AKAP6: variants seen among roughly 807,000 people sequenced by gnomAD.
The protein encoded by AKAP6 is A-kinase anchoring protein 6.
A neutral mutation model predicts 188.5 loss-of-function variants in AKAP6; 58 were observed. The ratio of observed to expected loss-of-function variants is 0.31; its 90% CI spans 0.25 to 0.38. The LOEUF (loss-of-function observed/expected upper bound fraction) is 0.38, where lower values mean the gene tolerates loss of function less well. Among genes scored for constraint, AKAP6 ranks in the 10% least tolerant of loss-of-function variants. AKAP6 has a pLI of 1.00. For synonymous variants in AKAP6, 989 were observed against 998.6 expected (o/e 0.99, Z 0.18); for missense variants, 2,710 against 2,740.0 (o/e 0.99, Z 0.24).
At chr14:32,502,351 A>T (rs1341658558) in intron 2 of AKAP6, among the ~76,000 whole-genome samples, 1 of 152,124 alleles carries the variant, frequency 6.6e-6, no homozygotes, top group South Asian at 2.1e-4. Context: ...ATTATAACAC[A>T]AGTGTCCATC....
At chr14:32,619,948 A>C (rs2139415089) in intron 7 of AKAP6, among the ~76,000 whole-genome samples, 1 of 152,164 alleles carries the variant, frequency 6.6e-6, no homozygotes, top group African/African-American at 2.4e-5. Flanking sequence ...CAGCTATTAT[A>C]AAAGGGATTG....
In AKAP6 at chr14:32,792,613, T is replaced by C. The variant is rs1240571784; in HGVS notation, c.3588+18720T>C. Among the ~76,000 whole-genome samples the C allele has an allele frequency of 2.6e-5, 4 of 152,214 alleles. No homozygotes were observed. The East Asian group carries it at 7.7e-4, about 29-fold the overall frequency. On this transcript the variant is annotated intron_variant, in intron 12 of 13. Coordinates refer to ENST00000280979, the MANE Select transcript of AKAP6 (RefSeq NM_004274.5). ...TTACTGTTTGAATATCCTTTATTTC[T>C]TTCTCTTGCCTGATTGCCCTGGCCA...
chr14:32,761,003 G>A (rs2032517541), intron 11 of AKAP6, among the ~76,000 whole-genome samples: 1 of 152,178 alleles, frequency 6.6e-6, no homozygotes, highest in South Asian at 2.1e-4. Context: ...GAATCAAGTT[G>A]CCTTGAGCTT....
At chr14:32,812,905 G>T (rs2034272921) in intron 12 of AKAP6, among the ~76,000 whole-genome samples, 1 of 152,186 alleles carries the variant, frequency 6.6e-6, no homozygotes, top group Admixed American at 6.5e-5. Context: ...CACACACTCA[G>T]ACAGCAAATG....
chr14:32,800,177 TATATATATACACATATATATAC>T (rs1217202705), intron 12 of AKAP6, among the ~76,000 whole-genome samples: 13 of 53,000 alleles, frequency 2.5e-4, no homozygotes, highest in African/African-American at 5.7e-4. Context: ...TATATATACA[TATATATATACACATATATATAC>T]ATATATATAC....
chr14:32,781,854 A>G (rs1322987736), intron 12 of AKAP6, among the ~76,000 whole-genome samples: 1 of 152,078 alleles, frequency 6.6e-6, no homozygotes, highest in Admixed American at 6.6e-5. Context: ...TTCCTGATAA[A>G]AACTCTCAGA....
chr14:32,576,454 G>T (rs2139263501), intron 4 of AKAP6, among the ~76,000 whole-genome samples: 1 of 152,236 alleles, frequency 6.6e-6, no homozygotes, highest in African/African-American at 2.4e-5. Context: ...AGGTTATTGT[G>T]ATTTGTGCTT....
chr14:32,715,626 A>T (rs565672735), intron 9 of AKAP6, among the ~76,000 whole-genome samples: 9 of 151,836 alleles, frequency 5.9e-5, no homozygotes, highest in Non-Finnish European at 1.2e-4. Context: ...TTTTAGGGGG[A>T]AAAAAACCTC....
chr14:32,547,879 G>T (rs899718366), intron 4 of AKAP6, among the ~76,000 whole-genome samples: 5 of 151,842 alleles, frequency 3.3e-5, no homozygotes, highest in Non-Finnish European at 7.4e-5. Flanking sequence ...GAGCTCCATA[G>T]TATAAGTAAT....
chr14:32,560,969 A>C (rs2139207062), intron 4 of AKAP6, among the ~76,000 whole-genome samples: 2 of 152,312 alleles, frequency 1.3e-5, no homozygotes, highest in Middle Eastern at 6.8e-3. Context: ...TTCTTCCTTG[A>C]TGCAGACACT....
intron 8 of AKAP6, among the ~76,000 whole-genome samples, chr14:32,680,872 G>A (rs891793934): frequency 6.6e-6 from 1 of 152,186 alleles, no homozygotes; most frequent in Non-Finnish European, 1.5e-5. Flanking sequence ...ATGAATATAT[G>A]TGATAGGAAG....
intron 11 of AKAP6, among the ~76,000 whole-genome samples, chr14:32,770,346 G>T (rs1329279699): frequency 6.6e-6 from 1 of 152,076 alleles, no homozygotes; most frequent in African/African-American, 2.4e-5. Flanking sequence ...AAAAGCACTT[G>T]CAATCCCTTT....
intron 7 of AKAP6, among the ~76,000 whole-genome samples, chr14:32,676,443 A>G (rs1889429636): frequency 6.6e-6 from 1 of 152,096 alleles, no homozygotes; most frequent in Non-Finnish European, 1.5e-5. Flanking sequence ...AACATTCTGC[A>G]TACCTCCTCT....
intron 9 of AKAP6, among the ~76,000 whole-genome samples, chr14:32,704,302 C>A (rs1890726118): frequency 1.3e-5 from 2 of 152,034 alleles, no homozygotes. Flanking sequence ...TGAAAAATGA[C>A]TTTTACTTAA....
intron 2 of AKAP6, 68 bp from the exon 3 acceptor site, chr14:32,535,486 T>C: frequency 1.3e-6 from 2 of 1,529,834 alleles, no homozygotes; most frequent in African/African-American, 1.4e-5. Context: ...TGTACTTTTC[T>C]ACTACCCTCA....
At chr14:32,449,778 T>C (rs1193009356) in intron 2 of AKAP6, among the ~76,000 whole-genome samples, 2 of 152,200 alleles carry the variant, frequency 1.3e-5, no homozygotes, top group Non-Finnish European at 2.9e-5. Context: ...TGAAACTAGA[T>C]TGGGGCTGTC....
intron 11 of AKAP6, among the ~76,000 whole-genome samples, chr14:32,768,377 T>C (rs895816736): frequency 6.6e-6 from 1 of 152,072 alleles, no homozygotes; most frequent in African/African-American, 2.4e-5. Flanking sequence ...TGTATTAGAG[T>C]CATTAATTAG....
intron 7 of AKAP6, among the ~76,000 whole-genome samples, chr14:32,621,029 T>C (rs1037171869): frequency 6.6e-6 from 1 of 152,102 alleles, no homozygotes; most frequent in African/African-American, 2.4e-5. Flanking sequence ...TCGTTTCTAA[T>C]TGAGCTTATT....
chr14:32,410,095 G>A (rs1241490130), intron 1 of AKAP6, among the ~76,000 whole-genome samples: 1 of 152,042 alleles, frequency 6.6e-6, no homozygotes, highest in Non-Finnish European at 1.5e-5. Context: ...AAACTGCCCT[G>A]CAAAGTCACC....
Sources: gnomAD v4.1 joint callset for allele counts (sites outside exome capture counted in the v4.1 genomes callset) on GRCh38, gnomAD v4.1.1 for gene constraint, MANE v1.5 for transcripts, NCBI Gene and HGNC (gene_info 2026-07-23, HGNC 2026-07-21) for gene names.